Variants in AGFG1 observed in about 807,000 individuals in gnomAD.
The protein encoded by AGFG1 is ArfGAP with FG repeats 1.
AGFG1 carries 10 observed loss-of-function variants against 60.6 expected under a neutral mutation model. That is an observed-to-expected ratio of 0.16 (90% CI 0.10 to 0.28). The LOEUF (loss-of-function observed/expected upper bound fraction) is 0.28. AGFG1 is among the 10% of genes least tolerant of loss of function. The probability of loss-of-function intolerance (pLI) is 1.00; values close to 1 mark genes in which losing one functional copy is unlikely to be tolerated. For missense variants in AGFG1, 537 were observed against 676.5 expected (o/e 0.79, Z 2.29); for synonymous variants, 247 against 242.9 (o/e 1.02, Z -0.16).
chr2:227,500,752 A>G (rs774539970), intron 2 of AGFG1, among the ~76,000 whole-genome samples: 7 of 152,122 alleles, frequency 4.6e-5, no homozygotes, highest in African/African-American at 1.2e-4. Flanking sequence ...ATAAACTGCA[A>G]TATATCTATC....
In AGFG1 at chr2:227,472,233, C is replaced by T. The variant is rs1014278900; in HGVS notation, c.-189C>T. On this transcript the variant is annotated 5_prime_UTR_variant, in exon 1 of 13. Transcript: ENST00000310078. ...GTGCCGGTTGGTGTGGCCCGTCAGC[C>T]CGCGTACCACAGCGCCCGGGCCGCG... 1.1e-5 allele frequency: 2 copies of T among 184,016 alleles called. No homozygotes were observed. Among genetic ancestry groups the T allele is most frequent in the African/African-American group, 4.8e-5 (2 of 41,954 alleles). The allele number at this position is 184,016 out of a possible 1,614,324, so 11.4% of individuals were successfully genotyped here.
At chr2:227,548,862 G>A (rs927481221) in intron 10 of AGFG1, among the ~76,000 whole-genome samples, 1 of 151,596 alleles carries the variant, frequency 6.6e-6, no homozygotes, top group Non-Finnish European at 1.5e-5. Context: ...GCGTGAACCC[G>A]GGAGGTGGAG....
In AGFG1 at chr2:227,474,925, T is replaced by C. The variant is rs578116595; in HGVS notation, c.167+2337T>C. Among the ~76,000 whole-genome samples, 12 of 152,304 alleles carry C rather than the reference T, an allele frequency of 7.9e-5. No homozygotes were observed. The South Asian group carries it at 2.5e-3, about 32-fold the overall frequency. ...GAGGATAAGATTTCCCTTGTAAGTT[T>C]TGGATGTAGATTTGTTTTCAGTATT... is the stretch of plus-strand genomic sequence containing the variant. On this transcript the variant is annotated intron_variant, in intron 1 of 12. Transcript: ENST00000310078.
chr2:227,508,679 A>G, intron 2 of AGFG1: 1 of 434,232 alleles, frequency 2.3e-6, no homozygotes, highest in South Asian at 1.7e-5. Context: ...GAATGGAAAC[A>G]CTGTTGGGAT....
chr2:227,520,815 T>G (rs1055881701), intron 3 of AGFG1, among the ~76,000 whole-genome samples: 3 of 152,198 alleles, frequency 2.0e-5, no homozygotes, highest in African/African-American at 7.2e-5. Context: ...TACTTTCATC[T>G]TGGGAGGTTA....
chr2:227,512,752 C>G (rs1691533690), intron 2 of AGFG1, among the ~76,000 whole-genome samples: 1 of 152,116 alleles, frequency 6.6e-6, no homozygotes, highest in African/African-American at 2.4e-5. Context: ...AGTTTTTAAA[C>G]TATTCTGTTA....
At chr2:227,521,140 A>G (rs1691814940) in intron 3 of AGFG1, among the ~76,000 whole-genome samples, 2 of 151,884 alleles carry the variant, frequency 1.3e-5, no homozygotes. Context: ...ATCTCGGCTC[A>G]CTGCAACCCC....
chr2:227,520,136 C>A, intron 3 of AGFG1, 73 bp downstream of exon 3: 1 of 867,540 alleles, frequency 1.2e-6, no homozygotes, highest in Non-Finnish European at 1.8e-6. Flanking sequence ...GTTAGTCTGA[C>A]ACAATGAAGG....
chr2:227,538,346 A>C (rs1001935901), intron 10 of AGFG1, among the ~76,000 whole-genome samples: 15 of 152,170 alleles, frequency 9.9e-5, no homozygotes, highest in Admixed American at 9.8e-4. Flanking sequence ...ATTTATAGTT[A>C]CTTGCAGGTT....
At chr2:227,533,274 A>G (rs1692215406) in intron 6 of AGFG1, among the ~76,000 whole-genome samples, 1 of 97,140 alleles carries the variant, frequency 1.0e-5, no homozygotes, top group Non-Finnish European at 2.2e-5. Context: ...CAAACCAGGT[A>G]GTGTGGAGAT....
chr2:227,539,766 AAAG>A lies in AGFG1; in HGVS notation c.1378+2774_1378+2776del, dbSNP rs1408824832. ...GCTCACAAAAAAAAAAAAAAAAAAA[AAAG>A]GAGGTACCCTTATTGCATAATAGTT... On this transcript the variant is annotated intron_variant, in intron 10 of 12. Coordinates refer to ENST00000310078, the MANE Select transcript of AGFG1 (RefSeq NM_004504.5). Among the ~76,000 whole-genome samples the A allele has an allele frequency of 6.0e-5, 9 of 151,182 alleles. No homozygotes were observed. In the East Asian group the frequency reaches 1.7e-3, roughly 29 times the overall value.
intron 5 of AGFG1, among the ~76,000 whole-genome samples, chr2:227,527,570 A>T (rs1262246410): frequency 1.3e-5 from 2 of 152,198 alleles, no homozygotes. Context: ...GTAAAAGCAT[A>T]CATAGTATTT....
chr2:227,484,604 T>C (rs1314950438), intron 1 of AGFG1, among the ~76,000 whole-genome samples: 1 of 151,964 alleles, frequency 6.6e-6, no homozygotes, highest in Non-Finnish European at 1.5e-5. Context: ...CCCCTTAGCA[T>C]CTCAAGACTT....
chr2:227,487,598 T>C (rs1248669082), intron 1 of AGFG1, among the ~76,000 whole-genome samples: 2 of 152,336 alleles, frequency 1.3e-5, no homozygotes, highest in East Asian at 3.9e-4. Flanking sequence ...GTCAGCTCTA[T>C]TTCCAATTCT....
At chr2:227,489,842 A>AT (rs1291537679) in intron 1 of AGFG1, among the ~76,000 whole-genome samples, 3 of 151,610 alleles carry the variant, frequency 2.0e-5, no homozygotes, top group Non-Finnish European at 4.4e-5. Context: ...TTGAGACAGA[A>AT]TCTTGCTCTG....
chr2:227,534,416 A>C (rs1328456390), intron 7 of AGFG1, among the ~76,000 whole-genome samples: 1 of 152,186 alleles, frequency 6.6e-6, no homozygotes, highest in Non-Finnish European at 1.5e-5. Flanking sequence ...GTCCTCAATA[A>C]ATGTTTCCCG....
rs147624125 is a variant in AGFG1 at position 227,528,674 on chromosome 2, T to C, written c.695-2417T>C. On this transcript the variant is annotated intron_variant, in intron 5 of 12. Transcript: ENST00000310078. ...ACTTATTTCTTGTTCCCTTTGTTTT[T>C]CTCTCTTTAAATGCAGTTTGTGAGT... Among the ~76,000 whole-genome samples, 483 of 152,370 alleles carry C rather than the reference T, an allele frequency of 3.2e-3. 1 individual carries two copies. The highest frequency in any genetic ancestry group is 0.01 in the Middle Eastern group (3 of 294).
chr2:227,475,503 A>G (rs1003121643), intron 1 of AGFG1, among the ~76,000 whole-genome samples: 4 of 152,174 alleles, frequency 2.6e-5, no homozygotes, highest in Admixed American at 2.6e-4. Flanking sequence ...GCTTCTGAAG[A>G]TTTTTTTCTT....
chr2:227,526,130 G>A (rs183458536), intron 5 of AGFG1, among the ~76,000 whole-genome samples: 6 of 152,130 alleles, frequency 3.9e-5, no homozygotes, highest in African/African-American at 9.6e-5. Context: ...ATTATCCTTA[G>A]TAGTACTCAA....
Sources: allele counts gnomAD v4.1 joint callset (sites outside exome capture counted in the v4.1 genomes callset), GRCh38; gene constraint gnomAD v4.1.1; transcripts MANE v1.5; gene names NCBI Gene and HGNC (gene_info 2026-07-23, HGNC 2026-07-21).